Variants in MARCHF1 observed in about 807,000 individuals in gnomAD.
MARCHF1 encodes membrane associated ring-CH-type finger 1.
MARCHF1 carries 40 observed loss-of-function variants against 54.2 expected under a neutral mutation model. The observed-to-expected ratio is 0.74, with a 90% CI of 0.57 to 0.96. The LOEUF is 0.96. MARCHF1 is among the 40% of genes least tolerant of loss of function. The pLI is 0.00. For synonymous variants in MARCHF1, 236 were observed against 236.3 expected (o/e 1.00, Z 0.01); for missense variants, 586 against 656.5 (o/e 0.89, Z 1.17).
chr4:163,968,246 A>T (rs1012487061), intron 3 of MARCHF1, among the ~76,000 whole-genome samples: 1 of 150,890 alleles, frequency 6.6e-6, no homozygotes, highest in Non-Finnish European at 1.5e-5. Context: ...ATACTAAAGT[A>T]CCCAGGAGAA....
intron 4 of MARCHF1, among the ~76,000 whole-genome samples, chr4:163,804,264 A>T (rs940389399): frequency 1.3e-5 from 2 of 152,256 alleles, no homozygotes; most frequent in Non-Finnish European, 2.9e-5. Context: ...ACTTTTAAAA[A>T]GCAAGCACAC....
Position 163,733,254 on chromosome 4 carries a change from T to TAC in MARCHF1, c.112-32392_112-32391insGT, listed in dbSNP as rs1197682481. On this transcript the variant is annotated intron_variant, in intron 4 of 9. Coordinates refer to ENST00000514618, the MANE Select transcript of MARCHF1 (RefSeq NM_001394959.1). The stretch of plus-strand genomic sequence containing the variant: ...ATATATATATATACACGTGTATATA[T>TAC]ATATACACACACACACACACACAGA... 4.2e-4 allele frequency among the ~76,000 whole-genome samples: 18 copies of TAC among 43,062 alleles called. 1 individual carries two copies. Among genetic ancestry groups the TAC allele is most frequent in the South Asian group, 1.6e-3 (2 of 1,240 alleles). 28.3% of individuals were successfully genotyped at this position (43,062 alleles called of 152,430 possible).
intron 5 of MARCHF1, among the ~76,000 whole-genome samples, chr4:163,653,850 A>C (rs1396847483): frequency 6.8e-6 from 1 of 147,182 alleles, no homozygotes; most frequent in African/African-American, 2.5e-5. Context: ...GGGTATGTGT[A>C]GTTGGATATA....
At chr4:163,792,515 T>TTA (rs941283198) in intron 4 of MARCHF1, among the ~76,000 whole-genome samples, 156 of 152,012 alleles carry the variant, frequency 1.0e-3, no homozygotes, top group Non-Finnish European at 1.8e-3. Context: ...TAAATTTGAA[T>TTA]TATATATATA....
intron 5 of MARCHF1, among the ~76,000 whole-genome samples, chr4:163,648,037 C>G (rs1214525821): frequency 6.6e-6 from 1 of 151,772 alleles, no homozygotes; most frequent in Non-Finnish European, 1.5e-5. Context: ...GTTCAAACTT[C>G]TGTTGCCCAC....
At chr4:164,044,727 A>T (rs1754204834) in intron 2 of MARCHF1, among the ~76,000 whole-genome samples, 1 of 152,064 alleles carries the variant, frequency 6.6e-6, no homozygotes, top group Non-Finnish European at 1.5e-5. Flanking sequence ...GAGAGTCTAT[A>T]GTGTTTATAT....
chr4:163,802,604 A>C (rs191770520), intron 4 of MARCHF1, among the ~76,000 whole-genome samples: 1 of 152,346 alleles, frequency 6.6e-6, no homozygotes, highest in East Asian at 1.9e-4. Flanking sequence ...GAGAGAAAAT[A>C]TATGAAATTG....
chr4:163,741,350 C>T (rs1332860344), intron 4 of MARCHF1, among the ~76,000 whole-genome samples: 5 of 151,598 alleles, frequency 3.3e-5, no homozygotes, highest in Admixed American at 3.3e-4. Flanking sequence ...TTTGGGAGGC[C>T]GAGGTGGGTG....
chr4:164,154,199 G>T (rs2110917633), intron 1 of MARCHF1, among the ~76,000 whole-genome samples: 1 of 150,726 alleles, frequency 6.6e-6, no homozygotes, highest in African/African-American at 2.5e-5. Flanking sequence ...AAAATATCTT[G>T]CCATTTGCCA....
intron 1 of MARCHF1, among the ~76,000 whole-genome samples, chr4:164,367,702 A>G (rs1004483253): frequency 7.7e-6 from 1 of 130,682 alleles, no homozygotes; most frequent in Non-Finnish European, 1.7e-5. Context: ...TACATTATGC[A>G]TATTTCTTAA....
chr4:164,196,866 T>G (rs902153593), intron 1 of MARCHF1: 1 of 1,020,028 alleles, frequency 9.8e-7, no homozygotes. Flanking sequence ...CACAGCAATG[T>G]TACAATCAGA....
At chr4:163,913,450 C>T (rs369842212) in intron 3 of MARCHF1, among the ~76,000 whole-genome samples, 2 of 152,086 alleles carry the variant, frequency 1.3e-5, no homozygotes, top group Non-Finnish European at 2.9e-5. Context: ...TTTCAGTGCT[C>T]TAGTCTTACG....
At chr4:164,266,725 C>CAACT (rs1459048167) in intron 1 of MARCHF1, among the ~76,000 whole-genome samples, 2 of 152,122 alleles carry the variant, frequency 1.3e-5, no homozygotes, top group African/African-American at 4.8e-5. Context: ...TAAATATACA[C>CAACT]AACTGAGGGC....
intron 1 of MARCHF1, among the ~76,000 whole-genome samples, chr4:164,286,840 G>A (rs1165731382): frequency 6.7e-6 from 1 of 150,034 alleles, no homozygotes; most frequent in Non-Finnish European, 1.5e-5. Context: ...AGGCTACTGT[G>A]GGAAGCTTAT....
intron 2 of MARCHF1, among the ~76,000 whole-genome samples, chr4:164,045,330 G>A (rs1754219184): frequency 1.3e-5 from 2 of 151,862 alleles, no homozygotes; most frequent in Admixed American, 1.3e-4. Context: ...TGGCCAAAAT[G>A]GTGAAACCCT....
intron 4 of MARCHF1, among the ~76,000 whole-genome samples, chr4:163,799,944 A>T (rs1226422280): frequency 6.6e-6 from 1 of 152,212 alleles, no homozygotes; most frequent in Non-Finnish European, 1.5e-5. Context: ...ACCATGGAAT[A>T]GTATGCAGCC....
At chr4:163,700,491 T>A (rs1441796246) in intron 5 of MARCHF1, among the ~76,000 whole-genome samples, 1 of 138,410 alleles carries the variant, frequency 7.2e-6, no homozygotes, top group African/African-American at 2.8e-5. Context: ...GGCGACAGAG[T>A]AAGACTCTGT....
chr4:163,681,518 A>T (rs1294835937), intron 5 of MARCHF1, among the ~76,000 whole-genome samples: 9 of 152,204 alleles, frequency 5.9e-5, no homozygotes, highest in African/African-American at 2.2e-4. Context: ...CACCCATGAC[A>T]TATAATTCAG....
At chr4:163,653,143 G>A (rs916927753) in intron 5 of MARCHF1, among the ~76,000 whole-genome samples, 3 of 151,802 alleles carry the variant, frequency 2.0e-5, no homozygotes, top group Non-Finnish European at 1.5e-5. Flanking sequence ...GGCAACTGAA[G>A]TCAGGGAGTG....
Sources: allele counts gnomAD v4.1 joint callset (sites outside exome capture counted in the v4.1 genomes callset), GRCh38; gene constraint gnomAD v4.1.1; transcripts MANE v1.5; gene names NCBI Gene and HGNC (gene_info 2026-07-23, HGNC 2026-07-21).